Variants in TTC28 observed in about 807,000 individuals in gnomAD.
TTC28 encodes tetratricopeptide repeat domain 28.
TTC28 carries 61 observed loss-of-function variants against 198.0 expected under a neutral mutation model. The observed-to-expected ratio is 0.31, with a 90% CI of 0.25 to 0.38. TTC28 has a LOEUF of 0.38. Among genes scored for constraint, TTC28 ranks in the 10% least tolerant of loss-of-function variants. The pLI, the probability that TTC28 is intolerant of heterozygous loss-of-function variation, is 1.00. For synonymous variants in TTC28, 1,171 were observed against 1,297.8 expected, an observed-to-expected ratio of 0.90 and a Z score of 2.10; for missense variants, 2,678 against 3,164.0, an observed-to-expected ratio of 0.85 and a Z score of 3.69.
chr22:28,530,793 C>G (rs2049117602), intron 2 of TTC28, among the ~76,000 whole-genome samples: 1 of 152,200 alleles, frequency 6.6e-6, no homozygotes, highest in Non-Finnish European at 1.5e-5. Flanking sequence ...CCAAGAATTT[C>G]ATACCCAGCC....
chr22:28,235,221 T>TC (rs1410631856), intron 5 of TTC28, among the ~76,000 whole-genome samples: 1 of 8,094 alleles, frequency 1.2e-4, no homozygotes, highest in Non-Finnish European at 2.4e-4. Flanking sequence ...TATTGTTTTG[T>TC]TTTTTATTCT....
rs1941970041 is a variant in TTC28 at position 28,096,302 on chromosome 22, G to C, written c.3654C>G (p.Ser1218=). 6.4e-7 allele frequency: 1 copy of C among 1,551,972 alleles called. No homozygotes were observed. Among genetic ancestry groups the C allele is most frequent in the Non-Finnish European group, 8.7e-7 (1 of 1,147,058 alleles). ...QTGQQDSDPY[S]PVTIDQILEM... is the part of the protein sequence containing the mutation. ...CTAAGATCTGATCAATAGTGACTGG[G>C]GAGTAGGGGTCGGAGTCTTGTTGTC... is the stretch of plus-strand genomic sequence containing the variant. Residue 1218 remains serine, a synonymous_variant, in exon 11 of 23, where the codon TCC becomes TCG. Transcript: ENST00000397906.
intron 1 of TTC28, among the ~76,000 whole-genome samples, chr22:28,655,555 C>A (rs1034449447): frequency 2.6e-5 from 4 of 152,162 alleles, no homozygotes; most frequent in Non-Finnish European, 5.9e-5. Flanking sequence ...AAACAAGATA[C>A]ACTATTTCAT....
intron 5 of TTC28, among the ~76,000 whole-genome samples, chr22:28,237,408 C>A (rs2147244105): frequency 6.6e-6 from 1 of 152,264 alleles, no homozygotes; most frequent in South Asian, 2.1e-4. Flanking sequence ...TAAGGAACTC[C>A]AGTTGAGAAA....
At chr22:27,988,746 C>A (rs1186241568) in intron 21 of TTC28, among the ~76,000 whole-genome samples, 2 of 152,070 alleles carry the variant, frequency 1.3e-5, no homozygotes, top group African/African-American at 4.8e-5. Context: ...ATCTGCCCTG[C>A]CCCCTACCCC....
At chr22:28,503,236 C>T (rs534221776) in intron 2 of TTC28, among the ~76,000 whole-genome samples, 5 of 152,274 alleles carry the variant, frequency 3.3e-5, no homozygotes, top group African/African-American at 1.2e-4. Context: ...GAAATATTTC[C>T]TCAGAGAACC....
chr22:28,545,377 C>T (rs1365649646), intron 2 of TTC28, among the ~76,000 whole-genome samples: 1 of 151,966 alleles, frequency 6.6e-6, no homozygotes, highest in Non-Finnish European at 1.5e-5. Context: ...CAAGACTAGC[C>T]TGGGCAACAT....
At chr22:28,628,027 T>A (rs1277453718) in intron 2 of TTC28, among the ~76,000 whole-genome samples, 1 of 152,068 alleles carries the variant, frequency 6.6e-6, no homozygotes. Context: ...CACCTCAGCC[T>A]CCCAAGTAGC....
At chr22:28,118,185 A>G (rs2881204) in intron 6 of TTC28, among the ~76,000 whole-genome samples, 149,223 of 152,258 alleles carry the variant, frequency 0.98, 73,124 homozygotes, top group East Asian at 1. Flanking sequence ...GATCACCTGA[A>G]GTCAGGAGTT....
intron 12 of TTC28, among the ~76,000 whole-genome samples, chr22:28,080,531 TTTGTTG>T (rs144270652): frequency 4.6e-5 from 7 of 151,890 alleles, no homozygotes; most frequent in Admixed American, 6.6e-5. Flanking sequence ...TAAATTGGAT[TTTGTTG>T]TTGTTGTTGT....
chr22:28,629,795 T>G lies in TTC28; in HGVS notation c.138A>C (p.Arg46Ser), dbSNP rs1169449033. ...PLFGADTIGQ[R>S]SPDGPVLSKA... is the part of the protein sequence containing the mutation. ...TGCTCAGTACCGGTCCATCAGGACTTCTCTGGCCAATAGTGTCAGCACCAA... is the reference window on the plus strand; with the variant it reads ...TGCTCAGTACCGGTCCATCAGGACTGCTCTGGCCAATAGTGTCAGCACCAA... The change falls in exon 2 of 23, where the codon AGA becomes AGC. Residue 46 changes from arginine (R) to serine (S), a missense_variant. Physicochemically the swap from Arg to Ser is moderately radical, Grantham distance 110 (BLOSUM62 -1). Transcript: ENST00000397906. 1 of 1,551,698 alleles carries G rather than the reference T, an allele frequency of 6.4e-7. No homozygotes were observed. The highest frequency in any genetic ancestry group is 8.7e-7 in the Non-Finnish European group (1 of 1,146,986).
chr22:28,079,663 G>A (rs1941275903), intron 12 of TTC28, among the ~76,000 whole-genome samples: 1 of 152,090 alleles, frequency 6.6e-6, no homozygotes, highest in East Asian at 1.9e-4. Flanking sequence ...CTTTGTGATT[G>A]GCTCATTTCA....
intron 5 of TTC28, among the ~76,000 whole-genome samples, chr22:28,246,199 C>G (rs1018048125): frequency 2.0e-5 from 3 of 152,168 alleles, no homozygotes; most frequent in Non-Finnish European, 4.4e-5. Context: ...CATTTGTACA[C>G]AAGAGACCTG....
chr22:28,271,203 C>T (rs951283674), intron 5 of TTC28, among the ~76,000 whole-genome samples: 12 of 151,694 alleles, frequency 7.9e-5, no homozygotes, highest in Admixed American at 7.2e-4. Context: ...TCCCAAGTAG[C>T]TGGGATTATA....
chr22:28,552,840 A>G (rs868546538), intron 2 of TTC28, among the ~76,000 whole-genome samples: 10 of 133,410 alleles, frequency 7.5e-5, no homozygotes, highest in African/African-American at 2.6e-4. Context: ...ATGCCGAGCC[A>G]AAGCTGGACT....
intron 2 of TTC28, among the ~76,000 whole-genome samples, chr22:28,546,394 C>T (rs113827178): frequency 0.017 from 2,621 of 152,132 alleles, 41 homozygotes; most frequent in South Asian, 0.046. Context: ...TGCAGTGAGC[C>T]GAGAGGGCAC....
chr22:28,117,590 G>C (rs191224907), intron 6 of TTC28, among the ~76,000 whole-genome samples: 1 of 152,342 alleles, frequency 6.6e-6, no homozygotes, highest in African/African-American at 2.4e-5. Flanking sequence ...GACCTACACA[G>C]AATTGTGGGT....
chr22:28,442,042 G>A (rs1159738061), intron 2 of TTC28, among the ~76,000 whole-genome samples: 1 of 152,130 alleles, frequency 6.6e-6, no homozygotes, highest in Non-Finnish European at 1.5e-5. Flanking sequence ...GACGTCCTAG[G>A]GTAGGGACCA....
chr22:28,678,950 T>A (rs1464168441), intron 1 of TTC28, among the ~76,000 whole-genome samples: 2 of 152,142 alleles, frequency 1.3e-5, no homozygotes, highest in African/African-American at 4.8e-5. Context: ...GTGCTCCCAA[T>A]GATTCCTACG....
Sources: gnomAD v4.1 joint callset for allele counts (sites outside exome capture counted in the v4.1 genomes callset) on GRCh38, gnomAD v4.1.1 for gene constraint, MANE v1.5 for transcripts, NCBI Gene and HGNC (gene_info 2026-07-23, HGNC 2026-07-21) for gene names.